Variants in PLXNA2 observed in about 807,000 individuals in gnomAD.
The protein encoded by PLXNA2 is plexin-A2.
In PLXNA2, 91 loss-of-function variants were observed where a neutral mutation model predicts 193.5. The observed-to-expected ratio is 0.47, with a 90% CI of 0.40 to 0.56. The LOEUF (loss-of-function observed/expected upper bound fraction) is 0.56, where lower values mean the gene tolerates loss of function less well. PLXNA2 is among the 20% of genes least tolerant of loss of function. PLXNA2 has a pLI of 0.00. For synonymous variants in PLXNA2, 997 were observed against 1,027.3 expected, an observed-to-expected ratio of 0.97 and a Z score of 0.56; for missense variants, 1,995 against 2,503.2, an observed-to-expected ratio of 0.80 and a Z score of 4.33.
At chr1:208,118,158 GC>G (rs1278800641) in intron 4 of PLXNA2, among the ~76,000 whole-genome samples, 2 of 152,204 alleles carry the variant, frequency 1.3e-5, no homozygotes, top group East Asian at 3.9e-4. Flanking sequence ...AGAAGTGAGA[GC>G]TTCAGCACCG....
intron 1 of PLXNA2, among the ~76,000 whole-genome samples, chr1:208,222,447 G>A (rs530901165): frequency 9.2e-5 from 14 of 152,246 alleles, no homozygotes; most frequent in African/African-American, 2.6e-4. Flanking sequence ...AACTCGGAGC[G>A]TTCCTGATGC....
At chr1:208,190,151 AG>A (rs1670131234) in intron 3 of PLXNA2, among the ~76,000 whole-genome samples, 3 of 152,174 alleles carry the variant, frequency 2.0e-5, no homozygotes, top group South Asian at 2.1e-4. Flanking sequence ...GAGGCAGAAA[AG>A]GGATTTTTTT....
intron 12 of PLXNA2, among the ~76,000 whole-genome samples, chr1:208,063,004 T>C (rs1372269695): frequency 6.6e-6 from 1 of 152,262 alleles, no homozygotes; most frequent in African/African-American, 2.4e-5. Context: ...TTGCTTTTAG[T>C]TCCTGGTTCT....
intron 10 of PLXNA2, 30 bp downstream of exon 10, chr1:208,084,350 C>T (rs1275492986): frequency 1.2e-6 from 2 of 1,604,844 alleles, no homozygotes; most frequent in Admixed American, 3.3e-5. Context: ...AAGCCCTGCT[C>T]CAGGCAGGGC....
At chr1:208,142,495 T>C (rs778579385) in intron 3 of PLXNA2, 32 bp from the exon 4 acceptor site, 1 of 1,570,618 alleles carries the variant, frequency 6.4e-7, no homozygotes, top group South Asian at 1.2e-5. Flanking sequence ...CCTCAGCATC[T>C]GCCCTCAGTA....
chr1:208,031,296 C>T, intron 29 of PLXNA2: 1 of 1,237,244 alleles, frequency 8.1e-7, no homozygotes, highest in South Asian at 2.0e-5. Context: ...CCAGAGATCT[C>T]AGAGCCAGGG....
chr1:208,133,560 A>G (rs1668221846), intron 4 of PLXNA2, among the ~76,000 whole-genome samples: 1 of 152,244 alleles, frequency 6.6e-6, no homozygotes, highest in Non-Finnish European at 1.5e-5. Context: ...TCTATGCATT[A>G]TACATGGTCA....
Position 208,079,278 on chromosome 1 carries a change from G to T in PLXNA2, c.2568C>A (p.Ser856=). 1 of 1,609,180 alleles carries T rather than the reference G, an allele frequency of 6.2e-7. No individual in the cohort carries two copies. The highest frequency in any genetic ancestry group is 8.5e-7 in the Non-Finnish European group (1 of 1,175,824). Residue 856 remains serine (S), a synonymous_variant, in exon 12 of 32, where the codon TCC becomes TCA. Coordinates refer to ENST00000367033, the MANE Select transcript of PLXNA2 (RefSeq NM_025179.4). ...GACTTACCTCGGTGATTTGAGGGTT[G>T]GAGCACTTGACATTGTGGCTGGACC... ...LDWSSHNVKC[S]NPQITEILTV... is the part of the protein sequence containing the mutation.
intron 4 of PLXNA2, among the ~76,000 whole-genome samples, chr1:208,120,371 G>C (rs576527893): frequency 7.7e-4 from 118 of 152,292 alleles, no homozygotes; most frequent in African/African-American, 2.8e-3. Flanking sequence ...AATCAGAGAG[G>C]GGGTGAAGCT....
chr1:208,239,258 C>T (rs1470036556), intron 1 of PLXNA2, among the ~76,000 whole-genome samples: 2 of 152,120 alleles, frequency 1.3e-5, no homozygotes, highest in Admixed American at 1.3e-4. Context: ...CAGTTCAGCC[C>T]AGAGCCTCCC....
intron 9 of PLXNA2, among the ~76,000 whole-genome samples, chr1:208,088,283 C>T (rs1265495385): frequency 2.0e-5 from 3 of 152,232 alleles, no homozygotes; most frequent in African/African-American, 7.2e-5. Context: ...CATTGCCCAC[C>T]TGTTCAGCTG....
Position 208,099,107 on chromosome 1 carries a change from G to A in PLXNA2, c.1608-138C>T, listed in dbSNP as rs150108281. 998 of 1,039,212 alleles carry A rather than the reference G, an allele frequency of 9.6e-4. 4 individuals carry two copies. Among genetic ancestry groups the A allele is most frequent in the African/African-American group, 7.8e-3 (488 of 62,804 alleles). The allele number at this position is 1,039,212 out of a possible 1,614,324, so 64.4% of individuals were successfully genotyped here. A position where few individuals can be genotyped will look rare whatever the true frequency, so the allele number is the denominator to read the frequency against. ...CTCAAGAAGACTTTTACTGTACTCC[G>A]GAGGGCCTTGGTGACTCTCAGACAG... On this transcript the variant is annotated intron_variant, in intron 5 of 31. Transcript: ENST00000367033.
chr1:208,227,480 T>C (rs1671549281), intron 1 of PLXNA2, among the ~76,000 whole-genome samples: 1 of 152,210 alleles, frequency 6.6e-6, no homozygotes, highest in African/African-American at 2.4e-5. Flanking sequence ...TGCCTAGATT[T>C]TTAAGACTTA....
chr1:208,129,127 G>A (rs1019613205), intron 4 of PLXNA2, among the ~76,000 whole-genome samples: 8 of 152,180 alleles, frequency 5.3e-5, no homozygotes, highest in Non-Finnish European at 1.2e-4. Flanking sequence ...CCTGAAATGG[G>A]TGCACTATCT....
At chr1:208,030,638 G>A in intron 29 of PLXNA2, 5 of 985,408 alleles carry the variant, frequency 5.1e-6, no homozygotes, top group Non-Finnish European at 6.0e-6. Context: ...TTTCCAAAGT[G>A]TTTTGTTGGT....
intron 13 of PLXNA2, among the ~76,000 whole-genome samples, chr1:208,058,142 C>T (rs1665500885): frequency 6.6e-6 from 1 of 152,310 alleles, no homozygotes; most frequent in African/African-American, 2.4e-5. Context: ...TCACATCCAT[C>T]CCGCAATGGC....
At chr1:208,104,947 G>A (rs956957971) in intron 4 of PLXNA2, among the ~76,000 whole-genome samples, 6 of 152,180 alleles carry the variant, frequency 3.9e-5, no homozygotes, top group Non-Finnish European at 8.8e-5. Flanking sequence ...AGACCTAAGG[G>A]TTTGAGTTGA....
At chr1:208,107,051 A>T (rs1157377714) in intron 4 of PLXNA2, among the ~76,000 whole-genome samples, 1 of 152,218 alleles carries the variant, frequency 6.6e-6, no homozygotes, top group Non-Finnish European at 1.5e-5. Context: ...GGAATATGTG[A>T]TGCCTCCAAG....
chr1:208,177,308 C>T (rs1572000441), intron 3 of PLXNA2, among the ~76,000 whole-genome samples: 3 of 152,084 alleles, frequency 2.0e-5, no homozygotes, highest in East Asian at 3.9e-4. Context: ...AAGCAGAGGA[C>T]TGATTAGCAA....
Sources: allele counts gnomAD v4.1 joint callset (sites outside exome capture counted in the v4.1 genomes callset), GRCh38; gene constraint gnomAD v4.1.1; transcripts MANE v1.5; gene names NCBI Gene and HGNC (gene_info 2026-07-23, HGNC 2026-07-21).